Variants in SHROOM3 observed in about 807,000 individuals in gnomAD.
SHROOM3 encodes the protein protein Shroom3.
In SHROOM3, 47 loss-of-function variants were observed where a neutral mutation model predicts 138.6. The ratio of observed to expected loss-of-function variants is 0.34; its 90% CI spans 0.27 to 0.43. The LOEUF (loss-of-function observed/expected upper bound fraction) is 0.43, where lower values mean the gene tolerates loss of function less well. Ranked by LOEUF, SHROOM3 falls within the 20% of genes least tolerant of loss-of-function variation. The pLI, the probability that SHROOM3 is intolerant of heterozygous loss-of-function variation, is 1.00. For missense variants in SHROOM3, 2,491 were observed against 2,596.5 expected (o/e 0.96, Z 0.88); for synonymous variants, 1,062 against 1,063.3 (o/e 1.00, Z 0.02).
At chr4:76,507,947 CTTGTA>C (rs1371567550) in intron 1 of SHROOM3, among the ~76,000 whole-genome samples, 2 of 152,106 alleles carry the variant, frequency 1.3e-5, no homozygotes, top group Non-Finnish European at 2.9e-5. Flanking sequence ...AATTCTAAGA[CTTGTA>C]TTGTAGATGC....
At chr4:76,763,489 C>T (rs139723149) in intron 9 of SHROOM3, among the ~76,000 whole-genome samples, 245 of 152,170 alleles carry the variant, frequency 1.6e-3, no homozygotes, top group African/African-American at 5.6e-3. Context: ...CGCTTGAGCC[C>T]GACAGGCAGA....
chr4:76,677,764 AT>A (rs1294323958), intron 2 of SHROOM3, among the ~76,000 whole-genome samples: 1 of 152,136 alleles, frequency 6.6e-6, no homozygotes, highest in East Asian at 1.9e-4. Context: ...TTTTTCCCCC[AT>A]CTTATCTTTT....
intron 2 of SHROOM3, among the ~76,000 whole-genome samples, chr4:76,648,022 G>T (rs1193939913): frequency 6.6e-6 from 1 of 151,964 alleles, no homozygotes; most frequent in Non-Finnish European, 1.5e-5. Flanking sequence ...TGTAAGACAG[G>T]AATTGTGTAA....
intron 2 of SHROOM3, among the ~76,000 whole-genome samples, chr4:76,656,161 T>C (rs1736062462): frequency 6.6e-6 from 1 of 152,102 alleles, no homozygotes; most frequent in Non-Finnish European, 1.5e-5. Context: ...TTTCCAACTA[T>C]AAGGAAACTC....
intron 2 of SHROOM3, among the ~76,000 whole-genome samples, chr4:76,691,154 G>A (rs1224956280): frequency 6.6e-6 from 1 of 152,046 alleles, no homozygotes; most frequent in Admixed American, 6.6e-5. Flanking sequence ...TATGTTTATT[G>A]GCTTCTGCAT....
At chr4:76,489,370 C>T (rs374256633) in intron 1 of SHROOM3, among the ~76,000 whole-genome samples, 4 of 152,218 alleles carry the variant, frequency 2.6e-5, no homozygotes, top group South Asian at 4.1e-4. Context: ...AGTCACAAGA[C>T]CCAAGTAGAG....
At chr4:76,662,548 T>A (rs1718550758) in intron 2 of SHROOM3, among the ~76,000 whole-genome samples, 1 of 152,216 alleles carries the variant, frequency 6.6e-6, no homozygotes. Flanking sequence ...GACTTGGGAC[T>A]TCAATTGCAT....
chr4:76,644,660 T>C (rs1005371089), intron 2 of SHROOM3, among the ~76,000 whole-genome samples: 1 of 152,194 alleles, frequency 6.6e-6, no homozygotes, highest in Non-Finnish European at 1.5e-5. Flanking sequence ...GTATACATTG[T>C]GTAATAATCA....
intron 1 of SHROOM3, among the ~76,000 whole-genome samples, chr4:76,441,517 T>C (rs1364484779): frequency 2.0e-5 from 3 of 152,200 alleles, no homozygotes; most frequent in Admixed American, 2.0e-4. Context: ...ATTCTGACCT[T>C]TTAAAATAGC....
chr4:76,695,813 G>A (rs190651186), intron 2 of SHROOM3, among the ~76,000 whole-genome samples: 1 of 152,308 alleles, frequency 6.6e-6, no homozygotes, highest in African/African-American at 2.4e-5. Flanking sequence ...AGTTAACTAG[G>A]CAGCCAGAAT....
At chr4:76,716,501 T>G (rs890566661) in intron 3 of SHROOM3, 2 of 506,898 alleles carry the variant, frequency 3.9e-6, no homozygotes, top group African/African-American at 3.9e-5. Flanking sequence ...TTTTTGATAT[T>G]GTGCTATATC....
intron 1 of SHROOM3, among the ~76,000 whole-genome samples, chr4:76,484,825 G>A (rs556209495): frequency 9.9e-5 from 15 of 152,142 alleles, no homozygotes; most frequent in Admixed American, 2.6e-4. Flanking sequence ...GATAAGGCCA[G>A]CCCTTTGTCT....
At chr4:76,517,756 A>G (rs1286201702) in intron 1 of SHROOM3, among the ~76,000 whole-genome samples, 1 of 152,056 alleles carries the variant, frequency 6.6e-6, no homozygotes. Context: ...TAGCAGAGAG[A>G]GGAAAAGACT....
At chr4:76,666,573 G>A (rs960140169) in intron 2 of SHROOM3, among the ~76,000 whole-genome samples, 3 of 152,022 alleles carry the variant, frequency 2.0e-5, no homozygotes, top group Non-Finnish European at 2.9e-5. Flanking sequence ...GATCATGCCC[G>A]GCCTGTTATG....
chr4:76,436,337 G>A, intron 1 of SHROOM3, 117 bp downstream of exon 1: 1 of 1,022,950 alleles, frequency 9.8e-7, no homozygotes, highest in Non-Finnish European at 1.4e-6. Flanking sequence ...GCTGTTTCAT[G>A]CCTTTCTGAT....
chr4:76,544,406 G>GTT (rs1560540155), intron 1 of SHROOM3, among the ~76,000 whole-genome samples: 1 of 96,008 alleles, frequency 1.0e-5, no homozygotes, highest in African/African-American at 3.2e-5. Context: ...TAGCTCAATG[G>GTT]CTTTTTTTTT....
chr4:76,675,281 A>T (rs1719000320), intron 2 of SHROOM3, among the ~76,000 whole-genome samples: 1 of 152,196 alleles, frequency 6.6e-6, no homozygotes, highest in Non-Finnish European at 1.5e-5. Context: ...GGATAAGGGG[A>T]CAAAAAGCAG....
At chr4:76,518,266 C>T (rs1478032716) in intron 1 of SHROOM3, among the ~76,000 whole-genome samples, 3 of 151,998 alleles carry the variant, frequency 2.0e-5, no homozygotes, top group South Asian at 4.2e-4. Flanking sequence ...AGGCATTTAA[C>T]CCCCCAAGAG....
At chr4:76,537,790 G>C (rs879824277) in intron 1 of SHROOM3, among the ~76,000 whole-genome samples, 1 of 152,176 alleles carries the variant, frequency 6.6e-6, no homozygotes, top group Non-Finnish European at 1.5e-5. Flanking sequence ...CTGCCGCCTT[G>C]CTCCACCCCA....
Sources: gnomAD v4.1 joint callset for allele counts (sites outside exome capture counted in the v4.1 genomes callset) on GRCh38, gnomAD v4.1.1 for gene constraint, MANE v1.5 for transcripts, NCBI Gene and HGNC (gene_info 2026-07-23, HGNC 2026-07-21) for gene names.